CARM1: variants seen among roughly 807,000 people sequenced by gnomAD.
CARM1 encodes coactivator associated arginine methyltransferase 1, also known as histone-arginine methyltransferase CARM1.
CARM1 carries 14 observed loss-of-function variants against 72.7 expected under a neutral mutation model. That is an observed-to-expected ratio of 0.19 (90% CI 0.13 to 0.30). The LOEUF is 0.30. CARM1 is among the 10% of genes least tolerant of loss of function. The pLI, the probability that CARM1 is intolerant of heterozygous loss-of-function variation, is 1.00. For synonymous variants in CARM1, 333 were observed against 345.5 expected (o/e 0.96, Z 0.40); for missense variants, 432 against 833.7 (o/e 0.52, Z 5.93).
In CARM1 at chr19:10,896,182, G is replaced by C. The variant is rs2074022722; in HGVS notation, c.221-8769G>C. 6.6e-6 allele frequency among the ~76,000 whole-genome samples: 1 copy of C among 152,074 alleles called. No homozygotes were observed. The highest frequency in any genetic ancestry group is 1.5e-5 in the Non-Finnish European group (1 of 67,984). ...TCGCCCGGCACCATCTGCTCAGTGA[G>C]ACCCTTGAGAGACGTCTCCCCGTTC... is the stretch of plus-strand genomic sequence containing the variant. On this transcript the variant is annotated intron_variant, in intron 1 of 15. Transcript: ENST00000327064. This position sits in a 1 kb window ranked among gnomAD's most constrained non-coding sequence, Gnocchi z 5.2.
intron 1 of CARM1, among the ~76,000 whole-genome samples, chr19:10,889,845 T>C (rs898709823): frequency 6.6e-5 from 10 of 152,144 alleles, no homozygotes; most frequent in African/African-American, 2.2e-4. Flanking sequence ...CTTCCCACCC[T>C]CATTTTAAGG....
chr19:10,894,501 A>T (rs2074009993), intron 1 of CARM1, among the ~76,000 whole-genome samples: 1 of 152,122 alleles, frequency 6.6e-6, no homozygotes, highest in South Asian at 2.1e-4. Context: ...TGTCTTTGGC[A>T]GCAGGAGGCG....
chr19:10,896,073 C>T lies in CARM1; in HGVS notation c.221-8878C>T, dbSNP rs769125107. 3.7e-4 allele frequency among the ~76,000 whole-genome samples: 57 copies of T among 152,110 alleles called. No homozygotes were observed. Among genetic ancestry groups the T allele is most frequent in the East Asian group, 7.7e-4 (4 of 5,182 alleles). On this transcript the variant is annotated intron_variant, in intron 1 of 15. Transcript: ENST00000327064. The surrounding 1 kb of genome is among the most constrained non-coding windows in gnomAD (Gnocchi z 5.2). ...CTGGTTCCGGAAGGTGCTGGGGAAC[C>T]GTGGGGCGGTGTGAAGCAGGCGGGT...
chr19:10,905,804 A>G lies in CARM1; in HGVS notation c.346+728A>G, dbSNP rs1213307042. On this transcript the variant is annotated intron_variant, in intron 2 of 15. Coordinates refer to ENST00000327064, the MANE Select transcript of CARM1 (RefSeq NM_199141.2). ...TCGGGGCCAGCTGTGTGAAGCTGCC[A>G]TGCCTGGCTAATTTTTTGTAGAGAT... 2.6e-5 allele frequency among the ~76,000 whole-genome samples: 4 copies of G among 152,128 alleles called. No individual in the cohort carries two copies. The East Asian group carries it at 7.7e-4, about 29-fold the overall frequency.
chr19:10,911,475 G>A (rs937524687), intron 4 of CARM1, among the ~76,000 whole-genome samples: 8 of 152,202 alleles, frequency 5.3e-5, no homozygotes, highest in Non-Finnish European at 1.2e-4. Flanking sequence ...CAAGGATGGA[G>A]ATCCATTTCC....
intron 1 of CARM1, among the ~76,000 whole-genome samples, chr19:10,889,628 C>G (rs2073966915): frequency 6.6e-6 from 1 of 151,970 alleles, no homozygotes; most frequent in African/African-American, 2.4e-5. Flanking sequence ...CATGCCTGGC[C>G]CAGAATTGTT....
Position 10,921,341 on chromosome 19 carries a change from C to A in CARM1, c.1616-34C>A. 1.9e-6 allele frequency: 3 copies of A among 1,609,006 alleles called. 1 individual carries two copies. The Middle Eastern group carries it at 5.0e-4, about 267-fold the overall frequency. On this transcript the variant is annotated intron_variant, in intron 14 of 15. Transcript: ENST00000327064. ...GGGTGGCTGGGGGCGGTGACGCCGT[C>A]TCCCTTCCTTCTTTCCTCCCTCTCG...
Position 10,916,560 on chromosome 19 carries a change from C to T in CARM1, c.938+63C>T. 7.0e-7 allele frequency: 1 copy of T among 1,436,762 alleles called. No homozygotes were observed. Among genetic ancestry groups the T allele is most frequent in the Non-Finnish European group, 9.8e-7 (1 of 1,022,596 alleles). 89.0% of individuals were successfully genotyped at this position (1,436,762 alleles called of 1,614,324 possible). ...CCTGCCTTCTCAGGGACAGCCCCAG[C>T]TCCCCAGAGAGCCTGCACTCCTCTT... On this transcript the variant is annotated intron_variant, in intron 7 of 15. Transcript: ENST00000327064. The surrounding 1 kb of genome is among the most constrained non-coding windows in gnomAD (Gnocchi z 4.4).
chr19:10,871,631 GGCGGCGGCA>G lies in CARM1; in HGVS notation c.-63_-55del, dbSNP rs1241260466. On this transcript the variant is annotated 5_prime_UTR_variant, in exon 1 of 16. Coordinates refer to ENST00000327064, the MANE Select transcript of CARM1 (RefSeq NM_199141.2). The surrounding 1 kb of genome is among the most constrained non-coding windows in gnomAD (Gnocchi z 5.6). ...CGGCGGCGGCGGCGGCGGCGGCGGC[GGCGGCGGCA>G]GCGGCGGCGGCCTGGGCCCGGGCGC... 46 of 137,034 alleles carry G rather than the reference GGCGGCGGCA, an allele frequency of 3.4e-4. 1 individual carries two copies. Among genetic ancestry groups the G allele is most frequent in the East Asian group, 2.8e-3 (4 of 1,418 alleles). 8.5% of individuals were successfully genotyped at this position (137,034 alleles called of 1,614,324 possible). A position where few individuals can be genotyped will look rare whatever the true frequency, so the allele number is the denominator to read the frequency against.
chr19:10,891,216 G>A (rs768793433), intron 1 of CARM1, among the ~76,000 whole-genome samples: 6 of 152,092 alleles, frequency 3.9e-5, no homozygotes, highest in South Asian at 4.1e-4. Flanking sequence ...CTGTGTGCCC[G>A]TGGGTCTTGG....
intron 1 of CARM1, 115 bp downstream of exon 1, chr19:10,872,037 G>C (rs1464660625): frequency 3.4e-6 from 3 of 890,424 alleles, no homozygotes; most frequent in Non-Finnish European, 4.3e-6. Flanking sequence ...GGGTCCCCGG[G>C]ACTGAGCCGG....
At chr19:10,921,564 G>C (rs1343479041) in intron 15 of CARM1, 51 bp from the exon 16 acceptor site, 9 of 1,580,162 alleles carry the variant, frequency 5.7e-6, no homozygotes, top group Admixed American at 1.8e-5. Context: ...GACTCTGCCT[G>C]GGGGCTGGGC....
At chr19:10,895,613 T>A (rs1190063567) in intron 1 of CARM1, among the ~76,000 whole-genome samples, 1 of 152,156 alleles carries the variant, frequency 6.6e-6, no homozygotes, top group African/African-American at 2.4e-5. Flanking sequence ...ATGCGCACAG[T>A]GAGGGCAGGC....
In CARM1 at chr19:10,871,556, G is replaced by T; in HGVS notation, c.-147G>T. ...AGGCGGCGCTGCCCGGCTCGGCCTC[G>T]GCCTGCACGGCGGCTGCGGCGGCGG... On this transcript the variant is annotated 5_prime_UTR_variant, in exon 1 of 16. Coordinates refer to ENST00000327064, the MANE Select transcript of CARM1 (RefSeq NM_199141.2). The surrounding 1 kb of genome is among the most constrained non-coding windows in gnomAD (Gnocchi z 5.6). 6.9e-6 allele frequency: 1 copy of T among 145,152 alleles called. No homozygotes were observed. The highest frequency in any genetic ancestry group is 2.0e-4 in the South Asian group (1 of 5,096). The allele number at this position is 145,152 out of a possible 1,614,324, so 9.0% of individuals were successfully genotyped here. A position where few individuals can be genotyped will look rare whatever the true frequency, so the allele number is the denominator to read the frequency against.
At chr19:10,903,020 G>T (rs1303152605) in intron 1 of CARM1, among the ~76,000 whole-genome samples, 1 of 151,990 alleles carries the variant, frequency 6.6e-6, no homozygotes, top group Non-Finnish European at 1.5e-5. Flanking sequence ...TGCTCCATTT[G>T]AGTTCTGTTT....
chr19:10,884,355 A>C (rs1284388403), intron 1 of CARM1, among the ~76,000 whole-genome samples: 1 of 151,680 alleles, frequency 6.6e-6, no homozygotes, highest in Non-Finnish European at 1.5e-5. Flanking sequence ...AAAAAAAAAA[A>C]ACAAAAAGAC....
At position 10,922,183 on chromosome 19, in the gene CARM1, C is replaced by T. The variant is rs770180715; in HGVS notation, c.*426C>T. On this transcript the variant is annotated 3_prime_UTR_variant, in exon 16 of 16. Coordinates refer to ENST00000327064, the MANE Select transcript of CARM1 (RefSeq NM_199141.2). ...ACGACCAGGCCTCGGTCACAACGGA[C>T]GTGACATGCTGCTTTTTTTAATTTT... The T allele has an allele frequency of 1.9e-5, 3 of 160,736 alleles. No individual in the cohort carries two copies. The highest frequency in any genetic ancestry group is 2.4e-5 in the African/African-American group (1 of 41,806). The allele number at this position is 160,736 out of a possible 1,614,324, so 10.0% of individuals were successfully genotyped here.
In CARM1 at chr19:10,915,860, G is replaced by A. The variant is rs1224926140; in HGVS notation, c.848-547G>A. Among the ~76,000 whole-genome samples the A allele has an allele frequency of 6.6e-6, 1 of 152,186 alleles. No individual in the cohort carries two copies. Among genetic ancestry groups the A allele is most frequent in the African/African-American group, 2.4e-5 (1 of 41,448 alleles). On this transcript the variant is annotated intron_variant, in intron 6 of 15. Coordinates refer to ENST00000327064, the MANE Select transcript of CARM1 (RefSeq NM_199141.2). The surrounding 1 kb of genome is among the most constrained non-coding windows in gnomAD (Gnocchi z 4.6). Reference sequence around the variant, plus strand: ...TCAGTCTGTGTGCCCAGACCAGGCAGGCCAAGTGGCCCATCCTGCCGGCTG... The same window carrying A: ...TCAGTCTGTGTGCCCAGACCAGGCAAGCCAAGTGGCCCATCCTGCCGGCTG...
At position 10,921,047 on chromosome 19, in the gene CARM1, C is replaced by G; in HGVS notation, c.1538-3C>G. On this transcript the variant is annotated splice_region_variant and splice_polypyrimidine_tract_variant and intron_variant, in intron 13 of 15. Transcript: ENST00000327064. ...GCCCTGACGTCTCCCTCTCTGGACA[C>G]AGGGATGCCGACCGCCTATGACTTG... 6.2e-7 allele frequency: 1 copy of G among 1,614,090 alleles called. No homozygotes were observed. The highest frequency in any genetic ancestry group is 8.5e-7 in the Non-Finnish European group (1 of 1,179,930).
Sources: gnomAD v4.1 joint callset for allele counts (sites outside exome capture counted in the v4.1 genomes callset) on GRCh38, gnomAD v4.1.1 for gene constraint, Gnocchi (gnomAD v3.1) non-coding constraint, MANE v1.5 for transcripts, NCBI Gene and HGNC (gene_info 2026-07-23, HGNC 2026-07-21) for gene names.